ARAP2: variants seen among roughly 807,000 people sequenced by gnomAD.
The protein encoded by ARAP2 is arf-GAP with Rho-GAP domain, ANK repeat and PH domain-containing protein 2.
Under a neutral mutation model 194.5 loss-of-function variants are expected in ARAP2, and 148 were observed. The ratio of observed to expected loss-of-function variants is 0.76; its 90% CI spans 0.67 to 0.87. The LOEUF (loss-of-function observed/expected upper bound fraction) is 0.87, where lower values mean the gene tolerates loss of function less well. Among genes scored for constraint, ARAP2 ranks in the 40% least tolerant of loss-of-function variants. The pLI, the probability that ARAP2 is intolerant of heterozygous loss-of-function variation, is 0.00. For synonymous variants in ARAP2, 695 were observed against 683.5 expected (o/e 1.02, Z -0.26); for missense variants, 2,128 against 1,989.7 (o/e 1.07, Z -1.32).
chr4:36,078,948 C>G lies in ARAP2; in HGVS notation c.4608+1268G>C, dbSNP rs1056485074. Among the ~76,000 whole-genome samples the G allele has an allele frequency of 2.0e-5, 3 of 151,834 alleles. No individual in the cohort carries two copies. In the East Asian group the frequency reaches 5.8e-4, roughly 29 times the overall value. ...TAGCACTTTGGGAGGCCAAGGTGGG[C>G]GGATCACCTGACGTCAGAAGTTCGA... On this transcript the variant is annotated intron_variant, in intron 31 of 32. Coordinates refer to ENST00000303965, the MANE Select transcript of ARAP2 (RefSeq NM_015230.4).
chr4:36,007,214 T>G (rs983134011), intron 9 of ARAP2, among the ~76,000 whole-genome samples: 1 of 152,204 alleles, frequency 6.6e-6, no homozygotes, highest in Non-Finnish European at 1.5e-5. Context: ...TATTCTAGAT[T>G]CCACCTAGAA....
At chr4:36,243,586 G>C (rs1754002395) in intron 1 of ARAP2, 1 of 152,062 alleles carries the variant, frequency 6.6e-6, no homozygotes, top group South Asian at 2.1e-4. Context: ...AAACAAGCCA[G>C]AATTAGATAA....
intron 30 of ARAP2, 49 bp from the exon 31 acceptor site, chr4:36,080,328 G>A (rs757792432): frequency 1.4e-6 from 2 of 1,449,274 alleles, no homozygotes; most frequent in African/African-American, 2.8e-5. Context: ...ACAATTGACT[G>A]TTCTCTAGTG....
chr4:36,147,206 AT>A (rs1729833822), intron 19 of ARAP2, 89 bp downstream of exon 19: 1 of 1,150,498 alleles, frequency 8.7e-7, no homozygotes, highest in African/African-American at 1.6e-5. Flanking sequence ...GTTTTAAAAT[AT>A]TGTTTTCTCC....
At chr4:36,134,846 C>A (rs1726292434) in intron 19 of ARAP2, among the ~76,000 whole-genome samples, 1 of 151,562 alleles carries the variant, frequency 6.6e-6, no homozygotes, top group Non-Finnish European at 1.5e-5. Context: ...AGGTAAAACT[C>A]CTTAACACTG....
intron 7 of ARAP2, among the ~76,000 whole-genome samples, chr4:36,191,163 T>C (rs774355255): frequency 6.6e-6 from 1 of 152,148 alleles, no homozygotes; most frequent in Non-Finnish European, 1.5e-5. Flanking sequence ...AAATTTTAGC[T>C]TGCATAAGAA....
chr4:36,162,245 A>G (rs1345127936), intron 11 of ARAP2, among the ~76,000 whole-genome samples: 1 of 152,164 alleles, frequency 6.6e-6, no homozygotes, highest in African/African-American at 2.4e-5. Flanking sequence ...ACCTTTTGTA[A>G]AGCTTGCTAA....
At chr4:36,096,888 A>G (rs1339737702) in intron 27 of ARAP2, among the ~76,000 whole-genome samples, 1 of 152,162 alleles carries the variant, frequency 6.6e-6, no homozygotes, top group African/African-American at 2.4e-5. Flanking sequence ...AAGAGAGTCA[A>G]GAAAGGCATC....
chr4:36,243,880 C>T (rs1013818351), intron 1 of ARAP2: 6 of 152,272 alleles, frequency 3.9e-5, no homozygotes, highest in Non-Finnish European at 7.3e-5. Context: ...ACTACAGCTT[C>T]TTCTTATTTA....
intron 1 of ARAP2, chr4:36,058,155 T>C (rs1291639465): frequency 6.6e-6 from 1 of 152,196 alleles, no homozygotes; most frequent in Non-Finnish European, 1.5e-5. Flanking sequence ...TGCATGATAG[T>C]AAATACAATT....
chr4:36,136,474 A>G (rs1476979367), intron 19 of ARAP2, among the ~76,000 whole-genome samples: 2 of 151,862 alleles, frequency 1.3e-5, no homozygotes, highest in Admixed American at 1.3e-4. Flanking sequence ...CTGCAATATA[A>G]TAACCATGAA....
intron 2 of ARAP2, among the ~76,000 whole-genome samples, chr4:36,228,249 A>G (rs1033617716): frequency 1.3e-5 from 2 of 152,214 alleles, no homozygotes; most frequent in African/African-American, 4.8e-5. Context: ...AGAGAGAGTC[A>G]ACATTTCAAA....
intron 15 of ARAP2, among the ~76,000 whole-genome samples, chr4:36,155,189 G>T (rs1430550207): frequency 1.3e-5 from 2 of 152,144 alleles, no homozygotes; most frequent in African/African-American, 4.8e-5. Context: ...ACTGTTTGGG[G>T]TATCAAAGAT....
chr4:36,030,669 C>T (rs1338353914), intron 5 of ARAP2, among the ~76,000 whole-genome samples: 2 of 151,988 alleles, frequency 1.3e-5, no homozygotes, highest in Non-Finnish European at 2.9e-5. Context: ...CATATCTTTT[C>T]ACTGTATTTT....
chr4:36,082,922 G>A (rs868210089), intron 29 of ARAP2, among the ~76,000 whole-genome samples: 3 of 152,104 alleles, frequency 2.0e-5, no homozygotes, highest in African/African-American at 4.8e-5. Flanking sequence ...AGTCAGCATA[G>A]TAAAAAGGGA....
At chr4:36,048,280 G>A (rs539276167) in intron 3 of ARAP2, among the ~76,000 whole-genome samples, 1 of 152,286 alleles carries the variant, frequency 6.6e-6, no homozygotes, top group African/African-American at 2.4e-5. Context: ...AAGCAGGTTT[G>A]TCACATGGGT....
At chr4:36,021,005 T>C (rs1037875848) in intron 5 of ARAP2, among the ~76,000 whole-genome samples, 1 of 152,196 alleles carries the variant, frequency 6.6e-6, no homozygotes, top group Non-Finnish European at 1.5e-5. Context: ...TGGGTGAATG[T>C]ACATGTGATT....
rs1744093761 is a variant in ARAP2, at chr4:36,200,257, A to T, written c.1488-6610T>A. 3.3e-5 allele frequency among the ~76,000 whole-genome samples: 5 copies of T among 150,696 alleles called. No individual in the cohort carries two copies. The South Asian group carries it at 8.4e-4, about 25-fold the overall frequency. ...TCCCTTTTTTTATTTTTGTTTATTT[A>T]TTTATTTTTTTTTTTGAGACACAGT... On this transcript the variant is annotated intron_variant, in intron 6 of 32. Coordinates refer to ENST00000303965, the MANE Select transcript of ARAP2 (RefSeq NM_015230.4).
At chr4:36,058,302 A>G (rs751708136) in intron 1 of ARAP2, among the ~76,000 whole-genome samples, 7 of 152,234 alleles carry the variant, frequency 4.6e-5, no homozygotes, top group Non-Finnish European at 8.8e-5. Flanking sequence ...AACTAGCTAT[A>G]GTTAGTTTTC....
Sources: allele counts gnomAD v4.1 joint callset (sites outside exome capture counted in the v4.1 genomes callset), GRCh38; gene constraint gnomAD v4.1.1; transcripts MANE v1.5; gene names NCBI Gene and HGNC (gene_info 2026-07-23, HGNC 2026-07-21).